The following PARN variants were observed in gnomAD, a reference collection of about 807,000 sequenced individuals.
The protein encoded by PARN is poly(A)-specific ribonuclease PARN.
Under a neutral mutation model 102.8 loss-of-function variants are expected in PARN, and 71 were observed. The observed-to-expected ratio is 0.69, with a 90% CI of 0.57 to 0.84. The LOEUF (loss-of-function observed/expected upper bound fraction) is 0.84, where lower values mean the gene tolerates loss of function less well. PARN is among the 40% of genes least tolerant of loss of function. The pLI is 0.00. For synonymous variants in PARN, 261 were observed against 252.9 expected (o/e 1.03, Z -0.30); for missense variants, 782 against 760.9 (o/e 1.03, Z -0.33).
intron 21 of PARN, among the ~76,000 whole-genome samples, chr16:14,524,098 T>C (rs1362000988): frequency 6.6e-6 from 1 of 152,228 alleles, no homozygotes; most frequent in African/African-American, 2.4e-5. Context: ...CATAGTTGAC[T>C]GAAATGTCAT....
intron 21 of PARN, among the ~76,000 whole-genome samples, chr16:14,549,995 T>G (rs1426924946): frequency 1.3e-5 from 2 of 152,202 alleles, no homozygotes; most frequent in African/African-American, 4.8e-5. Flanking sequence ...AAACTCCTTT[T>G]ATCGGGCTGC....
At chr16:14,497,312 A>G (rs530840927) in intron 21 of PARN, among the ~76,000 whole-genome samples, 2 of 152,260 alleles carry the variant, frequency 1.3e-5, no homozygotes, top group Admixed American at 6.5e-5. Context: ...TTTGTGTTCT[A>G]AAAGGTTAAT....
intron 19 of PARN, 126 bp from the exon 20 acceptor site, chr16:14,554,277 C>T (rs568156561): frequency 1.6e-6 from 1 of 641,808 alleles, no homozygotes; most frequent in African/African-American, 1.9e-5. Flanking sequence ...GATTACCAAA[C>T]AACTCCTAAA....
intron 12 of PARN, among the ~76,000 whole-genome samples, chr16:14,598,705 AC>A (rs1387848544): frequency 6.6e-6 from 1 of 152,146 alleles, no homozygotes; most frequent in Admixed American, 6.5e-5. Context: ...TCGTGAGCCA[AC>A]CCTCTTCTTT....
chr16:14,515,042 G>A (rs946190414), intron 21 of PARN, among the ~76,000 whole-genome samples: 9 of 152,346 alleles, frequency 5.9e-5, no homozygotes, highest in African/African-American at 1.9e-4. Flanking sequence ...ACACTTGCCT[G>A]TTCCTTATTG....
At chr16:14,511,659 C>T (rs1412988456) in intron 21 of PARN, among the ~76,000 whole-genome samples, 1 of 151,956 alleles carries the variant, frequency 6.6e-6, no homozygotes, top group African/African-American at 2.4e-5. Flanking sequence ...CATGTATACC[C>T]GAAAGGTTAA....
intron 2 of PARN, 97 bp downstream of exon 2, chr16:14,629,500 G>A (rs540374748): frequency 1.1e-6 from 1 of 882,322 alleles, no homozygotes; most frequent in Non-Finnish European, 1.9e-6. Context: ...AACAGCAAGA[G>A]GCCACCACCA....
Position 14,580,948 on chromosome 16 carries a change from T to G in PARN, c.1193-5A>C, listed in dbSNP as rs766625253. ...TTGGAGGGCTGAGAAAAGAACCTAA[T>G]GAAGAAAAGAAGAGAGGTATTATTA... is the stretch of plus-strand genomic sequence containing the variant. On this transcript the variant is annotated splice_polypyrimidine_tract_variant and splice_region_variant and intron_variant, in intron 17 of 23. Coordinates refer to ENST00000437198, the MANE Select transcript of PARN (RefSeq NM_002582.4). 3 of 1,591,474 alleles carry G rather than the reference T, an allele frequency of 1.9e-6. No homozygotes were observed. In the South Asian group the frequency reaches 3.3e-5, roughly 18 times the overall value.
rs149957953 is a variant in PARN at position 14,499,318 on chromosome 16, T to C, written c.1481-16491A>G. Among the ~76,000 whole-genome samples the C allele has an allele frequency of 1.3e-3, 194 of 151,808 alleles. 2 individuals carry two copies. The highest frequency in any genetic ancestry group is 4.3e-3 in the African/African-American group (180 of 41,386). On this transcript the variant is annotated intron_variant, in intron 21 of 23. Coordinates refer to ENST00000437198, the MANE Select transcript of PARN (RefSeq NM_002582.4). ...ACAGGGGGATGGGAGAAGGAGAAAGTAGGGAGAGGGAGAGAGCGGGACAGA... is the reference window on the plus strand; with the variant it reads ...ACAGGGGGATGGGAGAAGGAGAAAGCAGGGAGAGGGAGAGAGCGGGACAGA...
intron 5 of PARN, among the ~76,000 whole-genome samples, chr16:14,619,613 T>A (rs1035298943): frequency 6.6e-6 from 1 of 151,708 alleles, no homozygotes; most frequent in African/African-American, 2.4e-5. Context: ...ATTTAAAAAT[T>A]AGCCAGGTGT....
chr16:14,486,460 C>T (rs1963702198), intron 21 of PARN, among the ~76,000 whole-genome samples: 1 of 152,172 alleles, frequency 6.6e-6, no homozygotes, highest in Non-Finnish European at 1.5e-5. Flanking sequence ...AAGGTGATGA[C>T]AGGGTCACAG....
intron 12 of PARN, 95 bp from the exon 13 acceptor site, chr16:14,593,473 T>C: frequency 1.3e-5 from 2 of 153,492 alleles, no homozygotes; most frequent in Non-Finnish European, 1.2e-5. Flanking sequence ...GACTTTGTAC[T>C]AAACTCGCTT....
intron 13 of PARN, among the ~76,000 whole-genome samples, chr16:14,590,274 GAAAA>G (rs1212064093): frequency 2.9e-5 from 2 of 69,240 alleles, no homozygotes; most frequent in African/African-American, 1.1e-4. Flanking sequence ...AAAGAGAAGA[GAAAA>G]AAAAAAAAAA....
chr16:14,468,171 G>A (rs1200528686), intron 22 of PARN, among the ~76,000 whole-genome samples: 1 of 152,150 alleles, frequency 6.6e-6, no homozygotes, highest in Non-Finnish European at 1.5e-5. Flanking sequence ...AGCATGAATG[G>A]GATTTGGGAA....
In PARN at chr16:14,463,852, C is replaced by CGGGGGG. The variant is rs1379207947; in HGVS notation, c.1671-16772_1671-16771insCCCCCC. Among the ~76,000 whole-genome samples the CGGGGGG allele has an allele frequency of 5.6e-5, 6 of 106,744 alleles. 1 individual carries two copies. Among genetic ancestry groups the CGGGGGG allele is most frequent in the South Asian group, 2.8e-4 (1 of 3,522 alleles). The allele number at this position is 106,744 out of a possible 152,430, so 70.0% of individuals were successfully genotyped here. A position where few individuals can be genotyped will look rare whatever the true frequency, so the allele number is the denominator to read the frequency against. On this transcript the variant is annotated intron_variant, in intron 22 of 23. Transcript: ENST00000437198. ...ACTTTTTTTTTTGGGGGGGGGGGGACGACAAGGTCTCACTCTGTCACCCAG... is the reference window on the plus strand; with the variant it reads ...ACTTTTTTTTTTGGGGGGGGGGGGACGGGGGGGACAAGGTCTCACTCTGTCACCCAG...
chr16:14,514,953 A>C lies in PARN; in HGVS notation c.1481-32126T>G, dbSNP rs971926436. 2.0e-5 allele frequency among the ~76,000 whole-genome samples: 3 copies of C among 152,250 alleles called. No individual in the cohort carries two copies. The East Asian group carries it at 5.8e-4, about 29-fold the overall frequency. On this transcript the variant is annotated intron_variant, in intron 21 of 23. Transcript: ENST00000437198. ...TTAATTATCACAGATGCCAAGGTGA[A>C]GCTAAGTTTCCATCATGTAACTTCT...
chr16:14,611,756 G>C (rs1455118818), intron 6 of PARN, among the ~76,000 whole-genome samples: 1 of 152,172 alleles, frequency 6.6e-6, no homozygotes, highest in Non-Finnish European at 1.5e-5. Flanking sequence ...GGCCAGGCTG[G>C]TTTCGAACTC....
chr16:14,595,339 C>A (rs1432275088), intron 12 of PARN, among the ~76,000 whole-genome samples: 1 of 152,050 alleles, frequency 6.6e-6, no homozygotes, highest in East Asian at 1.9e-4. Context: ...CATGCATACA[C>A]CCATGCGCAC....
At chr16:14,577,864 C>T (rs1357101172) in intron 18 of PARN, among the ~76,000 whole-genome samples, 1 of 150,408 alleles carries the variant, frequency 6.6e-6, no homozygotes, top group African/African-American at 2.4e-5. Flanking sequence ...GACAGGGTTT[C>T]GCCATGTTGG....
Sources: allele counts gnomAD v4.1 joint callset (sites outside exome capture counted in the v4.1 genomes callset), GRCh38; gene constraint gnomAD v4.1.1; transcripts MANE v1.5; gene names NCBI Gene and HGNC (gene_info 2026-07-23, HGNC 2026-07-21).